EPG5: variants seen among roughly 807,000 people sequenced by gnomAD.
EPG5 encodes the protein ectopic P granules protein 5 homolog.
A neutral mutation model predicts 302.7 loss-of-function variants in EPG5; 159 were observed. The ratio of observed to expected loss-of-function variants is 0.53; its 90% CI spans 0.46 to 0.60. The LOEUF (loss-of-function observed/expected upper bound fraction) is 0.60, where lower values mean the gene tolerates loss of function less well. EPG5 is among the 20% of genes least tolerant of loss of function. The pLI, the probability that EPG5 is intolerant of heterozygous loss-of-function variation, is 0.00. For synonymous variants in EPG5, 1,158 were observed against 1,136.8 expected (o/e 1.02, Z -0.37); for missense variants, 2,896 against 3,092.4 (o/e 0.94, Z 1.51).
the EPG5 span, among the ~76,000 whole-genome samples, chr18:45,837,306 G>A: frequency 1.3e-5 from 2 of 152,350 alleles, no homozygotes; most frequent in South Asian, 2.1e-4. Context: ...GGGAGTGCAG[G>A]CCCTGGGGGT....
At position 45,916,453 on chromosome 18, in the gene EPG5, G is replaced by T. The variant is rs1321664527; in HGVS notation, c.3369C>A (p.Leu1123=). 1.2e-6 allele frequency: 2 copies of T among 1,612,682 alleles called. No homozygotes were observed. The highest frequency in any genetic ancestry group is 2.7e-5 in the African/African-American group (2 of 74,852). ...AGGCCCTCACCTGGATCATGCTGTTGAGAAGCTTCACGTTGTCCCCATGGC... is the reference window on the plus strand; with the variant it reads ...AGGCCCTCACCTGGATCATGCTGTTTAGAAGCTTCACGTTGTCCCCATGGC... ...GASHGDNVKL[L]NSMIQAHISV... The change falls in exon 18 of 44, where the codon CTC becomes CTA. Residue 1123 remains leucine (L), a synonymous_variant. Coordinates refer to ENST00000282041, the MANE Select transcript of EPG5 (RefSeq NM_020964.3).
At chr18:45,854,065 A>C (rs1023849711) in intron 43 of EPG5, among the ~76,000 whole-genome samples, 3 of 152,166 alleles carry the variant, frequency 2.0e-5, no homozygotes, top group Non-Finnish European at 4.4e-5. Context: ...GCCCCAGCTA[A>C]AGCAAGAAAC....
the EPG5 span, chr18:45,836,881 C>G: frequency 1.8e-6 from 1 of 565,800 alleles, no homozygotes; most frequent in Non-Finnish European, 3.2e-6. Flanking sequence ...AAGTTCCCAG[C>G]CTCTAGTGCA....
chr18:45,856,472 T>C (rs532959467), intron 42 of EPG5, among the ~76,000 whole-genome samples: 19 of 152,332 alleles, frequency 1.2e-4, no homozygotes, highest in African/African-American at 4.6e-4. Context: ...AGCTAGATTG[T>C]GGTGATGGCT....
At chr18:45,838,794 G>A in the EPG5 span, 2 of 1,561,274 alleles carry the variant, frequency 1.3e-6, no homozygotes, top group Non-Finnish European at 1.7e-6. Flanking sequence ...CTGCCGAAGG[G>A]GAGCCGCCGC....
At position 45,858,601 on chromosome 18, in the gene EPG5, G is replaced by T. The variant is rs766126331; in HGVS notation, c.7191C>A (p.Leu2397=). 7 of 1,614,144 alleles carry T rather than the reference G, an allele frequency of 4.3e-6. No homozygotes were observed. The Middle Eastern group carries it at 8.2e-4, about 190-fold the overall frequency. ...CCTGTTCCAGCCACTTGCTTAAGAT[G>T]AGCAGCACTTTCATTTCATTCCTTA... is the stretch of plus-strand genomic sequence containing the variant. ...QTLRNEMKVL[L]ILSKWLEQVY... Residue 2397 remains leucine, a synonymous_variant, in exon 41 of 44, where the codon CTC becomes CTA. Transcript: ENST00000282041.
intron 37 of EPG5, 125 bp from the exon 38 acceptor site, chr18:45,867,132 CAAGT>C: frequency 1.5e-6 from 1 of 684,114 alleles, no homozygotes. Flanking sequence ...GTTATGATAT[CAAGT>C]AAGTATCTAC....
intron 9 of EPG5, among the ~76,000 whole-genome samples, chr18:45,941,667 C>A (rs1314415380): frequency 1.3e-5 from 2 of 152,162 alleles, no homozygotes; most frequent in Non-Finnish European, 2.9e-5. Context: ...TATAGAGTTA[C>A]TGAGAGAATA....
At chr18:45,834,176 A>C in the EPG5 span, among the ~76,000 whole-genome samples, 2 of 152,128 alleles carry the variant, frequency 1.3e-5, no homozygotes, top group Non-Finnish European at 2.9e-5. Context: ...AGGGTTCTCC[A>C]ATCCCTGCCT....
intron 23 of EPG5, 44 bp from the exon 24 acceptor site, chr18:45,908,125 C>A (rs1182506481): frequency 2.1e-6 from 3 of 1,429,828 alleles, no homozygotes; most frequent in Admixed American, 2.4e-5. Context: ...AAAAGATGAG[C>A]ATACAAACAA....
intron 1 of EPG5, among the ~76,000 whole-genome samples, chr18:45,963,508 G>A (rs2051191090): frequency 6.6e-6 from 1 of 152,116 alleles, no homozygotes; most frequent in Admixed American, 6.5e-5. Flanking sequence ...ATGGTGGCAG[G>A]CACCATAATC....
chr18:45,800,628 T>C, the EPG5 span, among the ~76,000 whole-genome samples: 74 of 152,204 alleles, frequency 4.9e-4, no homozygotes, highest in African/African-American at 1.8e-3. Context: ...CATTTTTGGT[T>C]GGAGGTGCCA....
rs2049116700 is a variant in EPG5 at position 45,882,397 on chromosome 18, A to G, written c.5395T>C (p.Trp1799Arg). Residue 1799 changes from tryptophan to arginine, a missense_variant, in exon 31 of 44, where the codon TGG becomes CGG. This residue lies in a region of EPG5 where 790 missense variants were observed against 798.0 expected (regional missense o/e 0.99). Coordinates refer to ENST00000282041, the MANE Select transcript of EPG5 (RefSeq NM_020964.3). ...LESIHLALTA[W>R]GLEPDEDILM... ...ATATCCTCATCTGGTTCAAGGCCCC[A>G]GGCAGTAAGTGCCAAGTGAATGGAC... 2 of 1,614,248 alleles carry G rather than the reference A, an allele frequency of 1.2e-6. No individual in the cohort carries two copies. The highest frequency in any genetic ancestry group is 1.7e-6 in the Non-Finnish European group (2 of 1,180,028).
At position 45,912,457 on chromosome 18, in the gene EPG5, C is replaced by A; in HGVS notation, c.3817-1G>T. The stretch of plus-strand genomic sequence containing the variant: ...GGAGCTTCAGCTGGGTCTGGGCTTT[C>A]TACAAAAAAGAAAGGGCTTTGAGTA... On this transcript the variant is annotated splice_acceptor_variant, in intron 21 of 43. Coordinates refer to ENST00000282041, the MANE Select transcript of EPG5 (RefSeq NM_020964.3). LOFTEE classifies it high-confidence loss of function. The A allele has an allele frequency of 6.3e-7, 1 of 1,584,692 alleles. No individual in the cohort carries two copies. The highest frequency in any genetic ancestry group is 1.9e-5 in the Admixed American group (1 of 51,524).
intron 27 of EPG5, among the ~76,000 whole-genome samples, chr18:45,893,271 T>C (rs1221295963): frequency 6.6e-6 from 1 of 152,138 alleles, no homozygotes; most frequent in African/African-American, 2.4e-5. Flanking sequence ...TCTGTGAAGA[T>C]TAAGTTGGAT....
At chr18:45,887,707 G>A in intron 29 of EPG5, 44 bp downstream of exon 29, 1 of 1,429,612 alleles carries the variant, frequency 7.0e-7, no homozygotes, top group Non-Finnish European at 9.4e-7. Context: ...AGACACCGCA[G>A]AGACTCATTA....
the EPG5 span, chr18:45,829,254 C>T: frequency 1.4e-6 from 1 of 696,110 alleles, no homozygotes. Context: ...AGCCAGATAA[C>T]CCTGAAGCAG....
At position 45,922,620 on chromosome 18, in the gene EPG5, T is replaced by C; in HGVS notation, c.2839-20A>G. On this transcript the variant is annotated intron_variant, in intron 15 of 43. Coordinates refer to ENST00000282041, the MANE Select transcript of EPG5 (RefSeq NM_020964.3). ...TGAAACCTAAAACAATTATTTATTT[T>C]GAGCCACATTAGTCACACACAAATT... 5 of 1,611,630 alleles carry C rather than the reference T, an allele frequency of 3.1e-6. No homozygotes were observed. Among genetic ancestry groups the C allele is most frequent in the Non-Finnish European group, 2.5e-6 (3 of 1,178,504 alleles).
At chr18:45,811,394 C>G in the EPG5 span, among the ~76,000 whole-genome samples, 3 of 152,176 alleles carry the variant, frequency 2.0e-5, no homozygotes, top group African/African-American at 7.2e-5. Context: ...AAGAGGGAAT[C>G]CTCCCTAACT....
Sources: allele counts gnomAD v4.1 joint callset (sites outside exome capture counted in the v4.1 genomes callset), GRCh38; gene constraint gnomAD v4.1.1; regional missense constraint gnomAD v4.1.1; transcripts MANE v1.5; gene names NCBI Gene and HGNC (gene_info 2026-07-23, HGNC 2026-07-21).